RAD54B: variants seen among roughly 807,000 people sequenced by gnomAD.
RAD54B encodes the protein DNA repair and recombination protein RAD54B.
RAD54B carries 78 observed loss-of-function variants against 95.8 expected under a neutral mutation model. The ratio of observed to expected loss-of-function variants is 0.81; its 90% CI spans 0.68 to 0.98. RAD54B has a LOEUF of 0.98. Ranked by LOEUF, RAD54B falls within the 50% of genes least tolerant of loss-of-function variation. RAD54B has a pLI of 0.00. For missense variants in RAD54B, 957 were observed against 1,056.6 expected (o/e 0.91, Z 1.31); for synonymous variants, 328 against 354.9 (o/e 0.92, Z 0.85).
chr8:94,442,536 C>T (rs1812426735), intron 3 of RAD54B, among the ~76,000 whole-genome samples: 1 of 149,946 alleles, frequency 6.7e-6, no homozygotes, highest in Non-Finnish European at 1.5e-5. Flanking sequence ...GATCGCGCCA[C>T]CGCACTCCAG....
At chr8:94,380,464 T>C in intron 11 of RAD54B, 58 bp from the exon 12 acceptor site, 1 of 1,493,868 alleles carries the variant, frequency 6.7e-7, no homozygotes, top group Non-Finnish European at 9.0e-7. Context: ...TAGATTTTCT[T>C]AGTTGAAAGA....
chr8:94,468,756 G>A (rs1813093194), intron 1 of RAD54B, among the ~76,000 whole-genome samples: 1 of 151,984 alleles, frequency 6.6e-6, no homozygotes, highest in South Asian at 2.1e-4. Flanking sequence ...GTGAACCCGG[G>A]AGGCGGAGCT....
At chr8:94,425,162 C>CG (rs1811913491) in intron 3 of RAD54B, among the ~76,000 whole-genome samples, 1 of 150,840 alleles carries the variant, frequency 6.6e-6, no homozygotes, top group African/African-American at 2.4e-5. Context: ...TGAATGATTC[C>CG]TAAGCATAGC....
intron 3 of RAD54B, among the ~76,000 whole-genome samples, chr8:94,412,917 G>T (rs1399133769): frequency 6.6e-6 from 1 of 152,050 alleles, no homozygotes; most frequent in Non-Finnish European, 1.5e-5. Context: ...TTATAGACTA[G>T]CAAGGAATAA....
At chr8:94,382,332 G>A (rs555613597) in intron 11 of RAD54B, among the ~76,000 whole-genome samples, 2 of 152,132 alleles carry the variant, frequency 1.3e-5, no homozygotes, top group Admixed American at 6.5e-5. Context: ...GAAAATCATC[G>A]GACTTCTCAA....
At chr8:94,392,671 C>T (rs1161437158) in intron 9 of RAD54B, among the ~76,000 whole-genome samples, 1 of 151,650 alleles carries the variant, frequency 6.6e-6, no homozygotes, top group Non-Finnish European at 1.5e-5. Context: ...GATCTCAGCT[C>T]ACTACAACCT....
chr8:94,426,264 T>C (rs1390181182), intron 3 of RAD54B, among the ~76,000 whole-genome samples: 1 of 140,154 alleles, frequency 7.1e-6, no homozygotes, highest in Admixed American at 6.9e-5. Flanking sequence ...TTTGCAAAAA[T>C]TAAAAAAAAA....
At chr8:94,403,270 T>C (rs1811303434) in intron 6 of RAD54B, among the ~76,000 whole-genome samples, 1 of 152,222 alleles carries the variant, frequency 6.6e-6, no homozygotes, top group South Asian at 2.1e-4. Context: ...TCCTGTTTTT[T>C]TGTGTCCTCT....
chr8:94,378,046 T>A, intron 14 of RAD54B, 134 bp downstream of exon 14: 1 of 541,556 alleles, frequency 1.8e-6, no homozygotes. Context: ...GCAGCTGCCC[T>A]ATGAGCTGAG....
intron 14 of RAD54B, among the ~76,000 whole-genome samples, 157 bp downstream of exon 14, chr8:94,378,023 A>T (rs12334675): frequency 6.6e-6 from 1 of 151,570 alleles, no homozygotes; most frequent in African/African-American, 2.4e-5. Flanking sequence ...ATTTTCTCAA[A>T]TATCTCTATC....
intron 3 of RAD54B, chr8:94,430,905 T>G: frequency 1.0e-6 from 1 of 985,404 alleles, no homozygotes; most frequent in Non-Finnish European, 1.2e-6. Flanking sequence ...TCACTTAAAA[T>G]CAATGGCTTA....
At chr8:94,428,962 C>T (rs1316226385) in intron 3 of RAD54B, 2 of 982,438 alleles carry the variant, frequency 2.0e-6, no homozygotes, top group Non-Finnish European at 2.4e-6. Flanking sequence ...TTTCTTTATA[C>T]AGGAATTCTC....
intron 3 of RAD54B, among the ~76,000 whole-genome samples, chr8:94,433,588 C>T (rs1013580441): frequency 6.6e-6 from 1 of 151,928 alleles, no homozygotes; most frequent in African/African-American, 2.4e-5. Flanking sequence ...ATTTAAGCTT[C>T]AGCATAACAA....
chr8:94,412,149 T>A, intron 3 of RAD54B, among the ~76,000 whole-genome samples: 1 of 152,176 alleles, frequency 6.6e-6, no homozygotes, highest in Middle Eastern at 3.2e-3. Flanking sequence ...TCCAGCTTAT[T>A]TCACTGAGCA....
intron 14 of RAD54B, among the ~76,000 whole-genome samples, chr8:94,377,803 C>T (rs1426052053): frequency 1.4e-5 from 2 of 142,956 alleles, no homozygotes; most frequent in Admixed American, 7.2e-5. Flanking sequence ...GGTGAAACCC[C>T]GTCTCTACTA....
At chr8:94,383,987 T>C (rs761323192) in intron 11 of RAD54B, among the ~76,000 whole-genome samples, 3 of 152,164 alleles carry the variant, frequency 2.0e-5, no homozygotes, top group Non-Finnish European at 4.4e-5. Flanking sequence ...ATATTAAAAA[T>C]AGAATTACCA....
intron 3 of RAD54B, among the ~76,000 whole-genome samples, chr8:94,455,908 T>A (rs1315483063): frequency 2.6e-5 from 4 of 152,166 alleles, no homozygotes; most frequent in Admixed American, 2.6e-4. Context: ...CTTGATTACA[T>A]CTGCAAAGAC....
rs759784577 is a variant in RAD54B at position 94,391,898 on chromosome 8, T to C, written c.1520A>G (p.Glu507Gly). The C allele has an allele frequency of 1.9e-6, 3 of 1,593,780 alleles. No homozygotes were observed. Among genetic ancestry groups the C allele is most frequent in the Admixed American group, 3.6e-5 (2 of 55,488 alleles). The part of the protein sequence containing the change: ...ILSREPSASE[E>G]EKELGERRAA... ...TCTTCTTTCTCCTAACTCCTTTTCT[T>C]CCTATGGAAAAATAGCAGACTTAAA... Residue 507 changes from glutamate to glycine, a missense_variant and splice_region_variant, in exon 10 of 15, where the codon GAA (glutamate) becomes GGA (glycine). Glu to Gly is a moderately conservative substitution (Grantham distance 98). Coordinates refer to ENST00000336148, the MANE Select transcript of RAD54B (RefSeq NM_012415.3).
At chr8:94,378,457 A>G in intron 13 of RAD54B, 77 bp from the exon 14 acceptor site, 1 of 1,419,058 alleles carries the variant, frequency 7.0e-7, no homozygotes, top group Non-Finnish European at 9.7e-7. Flanking sequence ...GTTTAGTAAC[A>G]TACTAGTTAA....
Sources: gnomAD v4.1 joint callset for allele counts (sites outside exome capture counted in the v4.1 genomes callset) on GRCh38, gnomAD v4.1.1 for gene constraint, MANE v1.5 for transcripts, NCBI Gene and HGNC (gene_info 2026-07-23, HGNC 2026-07-21) for gene names.